The following OSBPL9 variants were observed in gnomAD, a reference collection of about 807,000 sequenced individuals.
OSBPL9 encodes the protein oxysterol-binding protein-related protein 9.
Under a neutral mutation model 106.6 loss-of-function variants are expected in OSBPL9, and 40 were observed. The ratio of observed to expected loss-of-function variants is 0.38; its 90% CI spans 0.29 to 0.49. OSBPL9 has a LOEUF of 0.49. OSBPL9 is among the 20% of genes least tolerant of loss of function. The pLI is 0.97. For missense variants in OSBPL9, 609 were observed against 887.2 expected (o/e 0.69, Z 3.98); for synonymous variants, 269 against 295.4 (o/e 0.91, Z 0.92).
the OSBPL9 span, among the ~76,000 whole-genome samples, chr1:51,562,781 T>C: frequency 6.6e-6 from 1 of 152,206 alleles, no homozygotes; most frequent in African/African-American, 2.4e-5. Context: ...GTTCTCTTCC[T>C]GGTGTGTAGT....
chr1:51,783,698 A>G (rs1427987227), intron 17 of OSBPL9, among the ~76,000 whole-genome samples: 1 of 152,190 alleles, frequency 6.6e-6, no homozygotes, highest in Non-Finnish European at 1.5e-5. Flanking sequence ...GGTTGGCCAC[A>G]GCATCATTTC....
chr1:51,716,542 A>C (rs767838601), intron 4 of OSBPL9, among the ~76,000 whole-genome samples: 15 of 152,230 alleles, frequency 9.9e-5, no homozygotes, highest in Non-Finnish European at 1.9e-4. Flanking sequence ...AAACTTGGTA[A>C]ATGTTAGTTG....
At chr1:51,620,145 G>T (rs900024220) in intron 1 of OSBPL9, among the ~76,000 whole-genome samples, 5 of 152,102 alleles carry the variant, frequency 3.3e-5, no homozygotes, top group Admixed American at 6.6e-5. Flanking sequence ...TTTATTAGAT[G>T]AAATGGCCAG....
intron 4 of OSBPL9, among the ~76,000 whole-genome samples, chr1:51,719,491 G>A (rs1459899048): frequency 6.6e-6 from 1 of 151,626 alleles, no homozygotes; most frequent in African/African-American, 2.4e-5. Flanking sequence ...ACTAAATGCT[G>A]AGAGATTATC....
chr1:51,654,387 G>A (rs989661393), intron 2 of OSBPL9, among the ~76,000 whole-genome samples: 1 of 151,960 alleles, frequency 6.6e-6, no homozygotes, highest in African/African-American at 2.4e-5. Flanking sequence ...TCTATTATTT[G>A]GTTACCCAGT....
At chr1:51,728,326 A>T (rs984365523) in intron 4 of OSBPL9, among the ~76,000 whole-genome samples, 2 of 152,238 alleles carry the variant, frequency 1.3e-5, no homozygotes, top group Non-Finnish European at 2.9e-5. Context: ...GCCAGAGTAG[A>T]TTCAAGAAGA....
intron 22 of OSBPL9, 111 bp downstream of exon 22, chr1:51,786,728 C>G: frequency 1.0e-5 from 8 of 782,890 alleles, no homozygotes; most frequent in South Asian, 1.8e-5. Context: ...TAGTATAGAC[C>G]AAGTTTGAAT....
the OSBPL9 span, among the ~76,000 whole-genome samples, chr1:51,524,132 G>A: frequency 6.6e-6 from 1 of 152,154 alleles, no homozygotes; most frequent in African/African-American, 2.4e-5. Flanking sequence ...GTTTGCCCAG[G>A]GCAGAAAGAA....
chr1:51,586,126 A>T (rs1283649858), intron 1 of OSBPL9, among the ~76,000 whole-genome samples: 1 of 152,006 alleles, frequency 6.6e-6, no homozygotes, highest in East Asian at 1.9e-4. Context: ...GTGAGCCGAG[A>T]TCGTGCCACT....
chr1:51,544,364 G>A, the OSBPL9 span, among the ~76,000 whole-genome samples: 4 of 152,132 alleles, frequency 2.6e-5, no homozygotes, highest in South Asian at 8.3e-4. Context: ...AAAAAAGAAA[G>A]ATGTGGACAT....
chr1:51,540,734 A>G, the OSBPL9 span, among the ~76,000 whole-genome samples: 1 of 151,790 alleles, frequency 6.6e-6, no homozygotes, highest in Non-Finnish European at 1.5e-5. Flanking sequence ...CAAGGTGGGC[A>G]AATCACTTGA....
At chr1:51,570,125 G>C in the OSBPL9 span, among the ~76,000 whole-genome samples, 1 of 152,098 alleles carries the variant, frequency 6.6e-6, no homozygotes, top group Admixed American at 6.6e-5. Flanking sequence ...GGCTCCCCTG[G>C]GTGACCAGAA....
intron 4 of OSBPL9, among the ~76,000 whole-genome samples, chr1:51,741,803 G>A (rs1333045493): frequency 2.0e-5 from 3 of 151,830 alleles, no homozygotes; most frequent in Non-Finnish European, 4.4e-5. Context: ...CTCTATAATT[G>A]TTGTGTATAA....
At chr1:51,747,040 G>C (rs1571501048) in intron 6 of OSBPL9, among the ~76,000 whole-genome samples, 1 of 152,210 alleles carries the variant, frequency 6.6e-6, no homozygotes, top group African/African-American at 2.4e-5. Context: ...CACGATCTCA[G>C]CTCACTGCAA....
intron 1 of OSBPL9, among the ~76,000 whole-genome samples, chr1:51,621,120 G>C (rs916119719): frequency 6.6e-6 from 1 of 152,182 alleles, no homozygotes; most frequent in African/African-American, 2.4e-5. Context: ...CATATGGCCA[G>C]TCTTGTTTTA....
At chr1:51,739,152 T>C (rs1666338839) in intron 4 of OSBPL9, among the ~76,000 whole-genome samples, 1 of 152,022 alleles carries the variant, frequency 6.6e-6, no homozygotes. Context: ...TAGATTACAT[T>C]TTAGTGCCCT....
the OSBPL9 span, among the ~76,000 whole-genome samples, chr1:51,545,879 G>A: frequency 2.6e-5 from 4 of 152,154 alleles, no homozygotes; most frequent in African/African-American, 4.8e-5. Context: ...ATTACCATAT[G>A]TCAACAATTC....
intron 4 of OSBPL9, among the ~76,000 whole-genome samples, chr1:51,727,496 A>T (rs1663344075): frequency 6.6e-6 from 1 of 152,222 alleles, no homozygotes. Context: ...AGTGGTATAG[A>T]TCAACATTAA....
intron 1 of OSBPL9, among the ~76,000 whole-genome samples, chr1:51,634,447 G>A (rs1480173677): frequency 6.6e-6 from 1 of 152,186 alleles, no homozygotes. Flanking sequence ...CTGTGTCGAG[G>A]TTGTAGGGAA....
Sources: gnomAD v4.1 joint callset for allele counts (sites outside exome capture counted in the v4.1 genomes callset) on GRCh38, gnomAD v4.1.1 for gene constraint, MANE v1.5 for transcripts, NCBI Gene and HGNC (gene_info 2026-07-23, HGNC 2026-07-21) for gene names.